TMUB2: variants seen among roughly 807,000 people sequenced by gnomAD.
TMUB2 encodes the protein transmembrane and ubiquitin like domain containing 2, also known as transmembrane and ubiquitin-like domain-containing protein 2.
Under a neutral mutation model 20.2 loss-of-function variants are expected in TMUB2, and 19 were observed. The ratio of observed to expected loss-of-function variants is 0.94; its 90% CI spans 0.66 to 1.38. TMUB2 has a LOEUF of 1.38. TMUB2 is among the 40% of genes most tolerant of loss of function. TMUB2 has a pLI of 0.00. For synonymous variants in TMUB2, 186 were observed against 166.0 expected, an observed-to-expected ratio of 1.12 and a Z score of -0.92; for missense variants, 426 against 402.5, an observed-to-expected ratio of 1.06 and a Z score of -0.50.
chr17:44,191,396 T>G lies in TMUB2; in HGVS notation c.*532T>G. The stretch of plus-strand genomic sequence containing the variant: ...TGGGCACCTAGCCGCCTTCACCTTC[T>G]TCCTCTACCCCTTAGCAGGAATAGG... On this transcript the variant is annotated 3_prime_UTR_variant, in exon 4 of 4. Transcript: ENST00000538716. The G allele has an allele frequency of 3.0e-6, 3 of 987,338 alleles. No homozygotes were observed. Among genetic ancestry groups the G allele is most frequent in the Non-Finnish European group, 3.6e-6 (3 of 830,868 alleles). 61.2% of individuals were successfully genotyped at this position (987,338 alleles called of 1,614,324 possible). A position where few individuals can be genotyped will look rare whatever the true frequency, so the allele number is the denominator to read the frequency against.
At chr17:44,187,602 CCTT>C (rs2054639142) in intron 1 of TMUB2, 71 bp from the exon 2 acceptor site, 3 of 704,612 alleles carry the variant, frequency 4.3e-6, no homozygotes, top group East Asian at 2.7e-5. Flanking sequence ...ATAACATTAA[CCTT>C]CTTACCATCA....
In TMUB2 at chr17:44,190,708, G is replaced by T. The variant is rs2144394620; in HGVS notation, c.810G>T (p.Val270=). 6.2e-7 allele frequency: 1 copy of T among 1,614,212 alleles called. No individual in the cohort carries two copies. The highest frequency in any genetic ancestry group is 2.2e-5 in the East Asian group (1 of 44,888). The part of the protein sequence containing the change: ...ATEPPSLGVN[V]GSLMVPVFVV... ...AGCCACCCAGCCTTGGTGTCAATGT[G>T]GGCAGCCTCATGGTGCCTGTCTTTG... is the stretch of plus-strand genomic sequence containing the variant. Residue 270 remains valine (V), a synonymous_variant, in exon 4 of 4, where the codon GTG becomes GTT. Transcript: ENST00000538716.
chr17:44,190,915 C>G lies in TMUB2; in HGVS notation c.*51C>G. ...TGGTCTTTCTCCTTTACGGCCTCCC[C>G]ACTTTTCCTGGCCAGAGCTGGGCCC... is the stretch of plus-strand genomic sequence containing the variant. On this transcript the variant is annotated 3_prime_UTR_variant, in exon 4 of 4. Coordinates refer to ENST00000538716, the MANE Select transcript of TMUB2 (RefSeq NM_001076674.3). 4 of 1,541,178 alleles carry G rather than the reference C, an allele frequency of 2.6e-6. No individual in the cohort carries two copies. Among genetic ancestry groups the G allele is most frequent in the East Asian group, 2.3e-5 (1 of 44,400 alleles).
At position 44,189,124 on chromosome 17, in the gene TMUB2, T is replaced by C. The variant is rs1289190515; in HGVS notation, c.138T>C (p.Ile46=). The C allele has an allele frequency of 3.7e-6, 6 of 1,614,020 alleles. No individual in the cohort carries two copies. The highest frequency in any genetic ancestry group is 5.1e-6 in the Non-Finnish European group (6 of 1,179,980). The part of the protein sequence containing the change: ...VMVVAGVVVL[I]LALVLAWLST... ...TGGTGGCAGGTGTGGTGGTGCTGAT[T>C]CTAGCCTTGGTCCTAGCTTGGCTCT... is the stretch of plus-strand genomic sequence containing the variant. The change falls in exon 3 of 4, where the codon ATT becomes ATC. Residue 46 remains isoleucine, a synonymous_variant. Coordinates refer to ENST00000538716, the MANE Select transcript of TMUB2 (RefSeq NM_001076674.3).
chr17:44,187,930 G>C (rs2054710944), intron 2 of TMUB2, 187 bp downstream of exon 2: 1 of 620,594 alleles, frequency 1.6e-6, no homozygotes, highest in East Asian at 2.8e-5. Flanking sequence ...CAACTACTGG[G>C]GCATTATATT....
Position 44,190,616 on chromosome 17 carries a change from T to C in TMUB2, c.718T>C (p.Cys240Arg). 1 of 1,614,226 alleles carries C rather than the reference T, an allele frequency of 6.2e-7. No individual in the cohort carries two copies. The change falls in exon 4 of 4, where the codon TGC (cysteine) becomes CGC (arginine). Residue 240 changes from cysteine (C) to arginine (R), a missense_variant. By Grantham distance (180) the Cys-to-Arg change is radical. Coordinates refer to ENST00000538716, the MANE Select transcript of TMUB2 (RefSeq NM_001076674.3). ...CATTACCGACAACTGTGTGATTCACTGCCACCGCTCACCCCCAGGGTCAGC... is the reference window on the plus strand; with the variant it reads ...CATTACCGACAACTGTGTGATTCACCGCCACCGCTCACCCCCAGGGTCAGC... Reference protein sequence around the residue: ...LNITDNCVIHCHRSPPGSAVP... With the variant: ...LNITDNCVIHRHRSPPGSAVP...
rs376114901 is a variant in TMUB2 at position 44,190,868 on chromosome 17, C to T, written c.*4C>T. ...ATTTGGGATGTATGGACGATAAGGA[C>T]ATAGGAAGAAAATGAAAGGCATGGT... On this transcript the variant is annotated 3_prime_UTR_variant, in exon 4 of 4. Transcript: ENST00000538716. The T allele has an allele frequency of 1.0e-5, 16 of 1,596,880 alleles. No homozygotes were observed. Among genetic ancestry groups the T allele is most frequent in the Non-Finnish European group, 1.0e-5 (12 of 1,170,404 alleles).
intron 2 of TMUB2, chr17:44,188,714 A>T (rs1219502141): frequency 3.5e-6 from 1 of 283,126 alleles, no homozygotes; most frequent in African/African-American, 2.2e-5. Flanking sequence ...CAAAAAAGCA[A>T]CAACAGTAGC....
rs2055499143 is a variant in TMUB2, at chr17:44,191,030, C to T, written c.*166C>T. 2.0e-5 allele frequency: 29 copies of T among 1,445,864 alleles called. No homozygotes were observed. Among genetic ancestry groups the T allele is most frequent in the Admixed American group, 1.7e-4 (6 of 35,208 alleles). 89.6% of individuals were successfully genotyped at this position (1,445,864 alleles called of 1,614,324 possible). On this transcript the variant is annotated 3_prime_UTR_variant, in exon 4 of 4. Coordinates refer to ENST00000538716, the MANE Select transcript of TMUB2 (RefSeq NM_001076674.3). ...AAGTATGCGGCCTCCCCTTCTCATC[C>T]ACAGGAGTACAGATGTCCCTCCCGT...
chr17:44,190,501 C>T lies in TMUB2; in HGVS notation c.603C>T (p.Ser201=), dbSNP rs369574186. 3 of 1,593,638 alleles carry T rather than the reference C, an allele frequency of 1.9e-6. No homozygotes were observed. The highest frequency in any genetic ancestry group is 2.3e-5 in the South Asian group (2 of 87,984). ...TCTTCCATGTCTTTCATCCTTACAG[C>T]AAATACTTCCCTGGACAAGAAAGCC... ...RPEDTVGALK[S]KYFPGQESQM... is the part of the protein sequence containing the mutation. Residue 201 remains serine (S), a splice_region_variant and synonymous_variant, in exon 4 of 4, where the codon AGC becomes AGT. Coordinates refer to ENST00000538716, the MANE Select transcript of TMUB2 (RefSeq NM_001076674.3).
In TMUB2 at chr17:44,191,185, C is replaced by T; in HGVS notation, c.*321C>T. ...CTGAGATTCCCTCCCACCTGTGGTT[C>T]TGACTCTTCCCAGTGTCCTGCATGT... On this transcript the variant is annotated 3_prime_UTR_variant, in exon 4 of 4. Coordinates refer to ENST00000538716, the MANE Select transcript of TMUB2 (RefSeq NM_001076674.3). 9.0e-7 allele frequency: 1 copy of T among 1,115,140 alleles called. No homozygotes were observed. Among genetic ancestry groups the T allele is most frequent in the East Asian group, 6.7e-5 (1 of 14,998 alleles). The allele number at this position is 1,115,140 out of a possible 1,614,324, so 69.1% of individuals were successfully genotyped here. A position where few individuals can be genotyped will look rare whatever the true frequency, so the allele number is the denominator to read the frequency against.
In TMUB2 at chr17:44,187,763, C is replaced by T; in HGVS notation, c.35+20C>T. The T allele has an allele frequency of 1.4e-6, 1 of 718,518 alleles. No homozygotes were observed. Among genetic ancestry groups the T allele is most frequent in the Non-Finnish European group, 2.6e-6 (1 of 385,038 alleles). 44.5% of individuals were successfully genotyped at this position (718,518 alleles called of 1,614,324 possible). A position where few individuals can be genotyped will look rare whatever the true frequency, so the allele number is the denominator to read the frequency against. ...CATGAGGTAGGTACTGTTTTTAACC[C>T]CATTTTACTGATGAGAAAGCTGAGG... On this transcript the variant is annotated intron_variant, in intron 2 of 3. Transcript: ENST00000538716.
chr17:44,190,364 A>G lies in TMUB2; in HGVS notation c.603-137A>G. The G allele has an allele frequency of 3.3e-6, 3 of 905,932 alleles. No individual in the cohort carries two copies. The East Asian group carries it at 9.0e-5, about 27-fold the overall frequency. 56.1% of individuals were successfully genotyped at this position (905,932 alleles called of 1,614,324 possible). A position where few individuals can be genotyped will look rare whatever the true frequency, so the allele number is the denominator to read the frequency against. On this transcript the variant is annotated intron_variant, in intron 3 of 3. Transcript: ENST00000538716. ...GACTCCGTCTCAAAAAAAAAAAAAA[A>G]AAAAAAAGGATAAAGATGAGGGAAA...
Position 44,188,841 on chromosome 17 carries a change from AG to A in TMUB2, c.36-178del, listed in dbSNP as rs1056343699. On this transcript the variant is annotated intron_variant, in intron 2 of 3. Coordinates refer to ENST00000538716, the MANE Select transcript of TMUB2 (RefSeq NM_001076674.3). ...GAGTTTCACAATAGAGGCAAAGGGTAGGGTAGGTCTTTAGGTTTAGGTTGGG... is the reference window on the plus strand; with the variant it reads ...GAGTTTCACAATAGAGGCAAAGGGTAGGTAGGTCTTTAGGTTTAGGTTGGG... 4.0e-6 allele frequency: 4 copies of A among 1,010,946 alleles called. No individual in the cohort carries two copies. In the African/African-American group the frequency reaches 6.5e-5, roughly 16 times the overall value. 62.6% of individuals were successfully genotyped at this position (1,010,946 alleles called of 1,614,324 possible).
chr17:44,191,217 C>G lies in TMUB2; in HGVS notation c.*353C>G. ...TTCCCAGTGTCCTGCATGTCTGCCC[C>G]CAGCACCCAGGGCTGCCTGCAAGGG... On this transcript the variant is annotated 3_prime_UTR_variant, in exon 4 of 4. Coordinates refer to ENST00000538716, the MANE Select transcript of TMUB2 (RefSeq NM_001076674.3). 1 of 1,056,140 alleles carries G rather than the reference C, an allele frequency of 9.5e-7. No homozygotes were observed. Among genetic ancestry groups the G allele is most frequent in the East Asian group, 8.2e-5 (1 of 12,156 alleles). 65.4% of individuals were successfully genotyped at this position (1,056,140 alleles called of 1,614,324 possible).
At chr17:44,188,985 C>A in intron 2 of TMUB2, 37 bp from the exon 3 acceptor site, 2 of 1,578,172 alleles carry the variant, frequency 1.3e-6, no homozygotes, top group South Asian at 1.2e-5. Context: ...TGCAACCCCT[C>A]AGGCTCTGCT....
rs749721135 is a variant in TMUB2 at position 44,190,694 on chromosome 17, C to T, written c.796C>T (p.Leu266Phe). 2 of 1,614,234 alleles carry T rather than the reference C, an allele frequency of 1.2e-6. No individual in the cohort carries two copies. The highest frequency in any genetic ancestry group is 1.7e-6 in the Non-Finnish European group (2 of 1,180,054). ...CCCCTCGGCCACTGAGCCACCCAGC[C>T]TTGGTGTCAATGTGGGCAGCCTCAT... is the stretch of plus-strand genomic sequence containing the variant. ...LAPSATEPPS[L>F]GVNVGSLMVP... The change falls in exon 4 of 4, where the codon CTT (leucine) becomes TTT (phenylalanine). Residue 266 changes from leucine to phenylalanine, a missense_variant. Physicochemically the swap from Leu to Phe is conservative, Grantham distance 22. Transcript: ENST00000538716.
rs750328529 is a variant in TMUB2, at chr17:44,189,460, CCT to C, written c.475_476del (p.Leu159GlufsTer3). 3.5e-5 allele frequency: 57 copies of C among 1,613,990 alleles called. No individual in the cohort carries two copies. Among genetic ancestry groups the C allele is most frequent in the Non-Finnish European group, 4.5e-5 (53 of 1,180,008 alleles). On this transcript the variant is annotated frameshift_variant, in exon 3 of 4. Transcript: ENST00000538716. LOFTEE classifies it high-confidence loss of function. ...GAGSSSPEAP[L>X]RSEDSTCLPP... ...CAGGCAGCAGCAGTCCAGAGGCCCC[CCT>C]GAGATCTGAGGATAGCACCTGCCTC...
Position 44,190,956 on chromosome 17 carries a change from A to T in TMUB2, c.*92A>T. 3 of 1,510,914 alleles carry T rather than the reference A, an allele frequency of 2.0e-6. No individual in the cohort carries two copies. The highest frequency in any genetic ancestry group is 2.6e-6 in the Non-Finnish European group (3 of 1,137,538). 93.6% of individuals were successfully genotyped at this position (1,510,914 alleles called of 1,614,324 possible). A position where few individuals can be genotyped will look rare whatever the true frequency, so the allele number is the denominator to read the frequency against. ...AGCTGGGCCCAAGGGCCGGGGAGGG[A>T]GGGGTGGAAAGGATGTGATGGAAAT... On this transcript the variant is annotated 3_prime_UTR_variant, in exon 4 of 4. Transcript: ENST00000538716.
Sources: gnomAD v4.1 joint callset for allele counts on GRCh38, gnomAD v4.1.1 for gene constraint, MANE v1.5 for transcripts, NCBI Gene and HGNC (gene_info 2026-07-23, HGNC 2026-07-21) for gene names.